The following ADGRL3 variants were observed in gnomAD, a reference collection of about 807,000 sequenced individuals.
ADGRL3 encodes the protein adhesion G protein-coupled receptor L3.
A neutral mutation model predicts 153.5 loss-of-function variants in ADGRL3; 62 were observed. That is an observed-to-expected ratio of 0.40 (90% CI 0.33 to 0.50). ADGRL3 has a LOEUF of 0.50. Ranked by LOEUF, ADGRL3 falls within the 20% of genes least tolerant of loss-of-function variation. The probability of loss-of-function intolerance (pLI) is 0.47; values close to 1 mark genes in which losing one functional copy is unlikely to be tolerated. For synonymous variants in ADGRL3, 710 were observed against 672.5 expected (o/e 1.06, Z -0.86); for missense variants, 1,641 against 1,859.4 (o/e 0.88, Z 2.16).
intron 8 of ADGRL3, among the ~76,000 whole-genome samples, chr4:61,781,163 C>G (rs2097208321): frequency 6.6e-6 from 1 of 151,750 alleles, no homozygotes; most frequent in African/African-American, 2.4e-5. Flanking sequence ...CCCATCTCTA[C>G]TAAAAATACA....
chr4:61,630,777 T>A (rs933314594), intron 5 of ADGRL3, among the ~76,000 whole-genome samples: 1 of 152,230 alleles, frequency 6.6e-6, no homozygotes, highest in African/African-American at 2.4e-5. Context: ...GGAGCCGTTT[T>A]ATGGACAGGG....
At chr4:61,648,739 C>T (rs1560998833) in intron 5 of ADGRL3, among the ~76,000 whole-genome samples, 1 of 151,978 alleles carries the variant, frequency 6.6e-6, no homozygotes, top group African/African-American at 2.4e-5. Context: ...CTTTTAGTAG[C>T]TGCTGTGTGC....
At chr4:61,233,250 G>A (rs568318899) in intron 1 of ADGRL3, among the ~76,000 whole-genome samples, 65 of 152,192 alleles carry the variant, frequency 4.3e-4, no homozygotes, top group Admixed American at 2.1e-3. Context: ...TGCCATCTAC[G>A]TAGGCATTTG....
intron 17 of ADGRL3, among the ~76,000 whole-genome samples, chr4:61,974,000 G>C (rs2099038900): frequency 6.6e-6 from 1 of 152,070 alleles, no homozygotes. Flanking sequence ...CAAGGTCTGG[G>C]TCTGTCACCC....
chr4:61,894,661 G>A (rs1262337285), intron 10 of ADGRL3, among the ~76,000 whole-genome samples: 4 of 152,114 alleles, frequency 2.6e-5, no homozygotes, highest in African/African-American at 9.7e-5. Flanking sequence ...ATTTTCTGAA[G>A]CCCTCAGGGA....
rs538747048 is a variant in ADGRL3 at position 61,448,510 on chromosome 4, ATACTT to A, written c.-173-48608_-173-48604del. 6.9e-3 allele frequency among the ~76,000 whole-genome samples: 1,046 copies of A among 152,300 alleles called. 2 individuals are homozygous for A. Among genetic ancestry groups the A allele is most frequent in the Non-Finnish European group, 0.01 (708 of 68,022 alleles). On this transcript the variant is annotated intron_variant, in intron 2 of 26. Transcript: ENST00000683033. Reference sequence around the variant, plus strand: ...TATTTATGGAATAAGAATAATAAAAATACTTTATAAAGTTATTGTGATGTTTAAAT... The same window carrying A: ...TATTTATGGAATAAGAATAATAAAAATATAAAGTTATTGTGATGTTTAAAT...
intron 8 of ADGRL3, among the ~76,000 whole-genome samples, chr4:61,803,724 G>A (rs2097525082): frequency 6.6e-6 from 1 of 151,898 alleles, no homozygotes; most frequent in African/African-American, 2.4e-5. Context: ...TAAATAATAT[G>A]GCATAACTAT....
At chr4:62,028,399 A>T (rs1198811231) in intron 21 of ADGRL3, among the ~76,000 whole-genome samples, 3 of 151,784 alleles carry the variant, frequency 2.0e-5, no homozygotes, top group African/African-American at 7.2e-5. Flanking sequence ...TCTCCAAGTT[A>T]AAATTACTTA....
intron 1 of ADGRL3, among the ~76,000 whole-genome samples, chr4:61,263,862 T>G (rs1199376932): frequency 6.6e-6 from 1 of 151,920 alleles, no homozygotes; most frequent in Non-Finnish European, 1.5e-5. Context: ...TGGTTATAGA[T>G]AAAATAGGCT....
At chr4:61,345,594 A>G (rs2095884823) in intron 1 of ADGRL3, among the ~76,000 whole-genome samples, 1 of 152,194 alleles carries the variant, frequency 6.6e-6, no homozygotes, top group Non-Finnish European at 1.5e-5. Context: ...TCCATGTACA[A>G]GGACAATTGC....
intron 4 of ADGRL3, among the ~76,000 whole-genome samples, chr4:61,583,919 C>CA (rs1484339582): frequency 1.3e-5 from 2 of 151,944 alleles, no homozygotes; most frequent in African/African-American, 4.8e-5. Context: ...CCACAATGCC[C>CA]AATGCAATGT....
chr4:61,718,941 G>A (rs1470625816), intron 6 of ADGRL3, among the ~76,000 whole-genome samples: 1 of 152,186 alleles, frequency 6.6e-6, no homozygotes, highest in Non-Finnish European at 1.5e-5. Flanking sequence ...AACAAGACAT[G>A]CATTTAGTGA....
intron 17 of ADGRL3, among the ~76,000 whole-genome samples, chr4:61,967,473 A>T (rs1405739484): frequency 6.6e-6 from 1 of 152,178 alleles, no homozygotes; most frequent in African/African-American, 2.4e-5. Context: ...TGTCAGTCCA[A>T]TGTGATAACA....
rs371371400 is a variant in ADGRL3 at position 61,217,189 on chromosome 4, C to T, written c.-240+15424C>T. 9.8e-4 allele frequency among the ~76,000 whole-genome samples: 150 copies of T among 152,316 alleles called. 1 individual carries two copies. The Middle Eastern group carries it at 0.024, about 24-fold the overall frequency. ...AAGAGGAATTAAGCAATGTATCCCT[C>T]ATTAATTAGTTATAGTTAAAATTGT... is the stretch of plus-strand genomic sequence containing the variant. On this transcript the variant is annotated intron_variant, in intron 1 of 26. Transcript: ENST00000683033.
At chr4:61,923,978 T>A (rs2150015250) in intron 13 of ADGRL3, among the ~76,000 whole-genome samples, 1 of 152,274 alleles carries the variant, frequency 6.6e-6, no homozygotes, top group African/African-American at 2.4e-5. Flanking sequence ...GTATGTCCAC[T>A]GCAGCAGAAA....
At chr4:61,716,748 A>G (rs759744644) in intron 6 of ADGRL3, among the ~76,000 whole-genome samples, 3 of 152,174 alleles carry the variant, frequency 2.0e-5, no homozygotes, top group Non-Finnish European at 2.9e-5. Context: ...CTCCAAATGC[A>G]TAAACTTAGA....
At chr4:61,247,643 G>A (rs920084607) in intron 1 of ADGRL3, among the ~76,000 whole-genome samples, 2 of 152,026 alleles carry the variant, frequency 1.3e-5, no homozygotes, top group South Asian at 2.1e-4. Context: ...ATTAAACAAC[G>A]GAAGGATACT....
At chr4:61,623,938 G>T (rs1214305332) in intron 5 of ADGRL3, among the ~76,000 whole-genome samples, 1 of 152,082 alleles carries the variant, frequency 6.6e-6, no homozygotes. Flanking sequence ...AACTCAAGAA[G>T]AGGAAACAAC....
chr4:61,522,017 G>A (rs1434995227), intron 4 of ADGRL3, among the ~76,000 whole-genome samples: 1 of 152,094 alleles, frequency 6.6e-6, no homozygotes, highest in African/African-American at 2.4e-5. Flanking sequence ...GTGATAAGAT[G>A]TCCAGAAACA....
Sources: gnomAD v4.1 joint callset for allele counts (sites outside exome capture counted in the v4.1 genomes callset) on GRCh38, gnomAD v4.1.1 for gene constraint, MANE v1.5 for transcripts, NCBI Gene and HGNC (gene_info 2026-07-23, HGNC 2026-07-21) for gene names.